GALC: variants seen among roughly 807,000 people sequenced by gnomAD.
GALC encodes the protein galactosylceramidase.
In GALC, 77 loss-of-function variants were observed where a neutral mutation model predicts 91.8. The ratio of observed to expected loss-of-function variants is 0.84; its 90% CI spans 0.70 to 1.01. GALC has a LOEUF of 1.01. Ranked by LOEUF, GALC falls within the 50% of genes least tolerant of loss-of-function variation. The pLI, the probability that GALC is intolerant of heterozygous loss-of-function variation, is 0.00. For synonymous variants in GALC, 357 were observed against 306.7 expected (o/e 1.16, Z -1.71); for missense variants, 882 against 855.9 (o/e 1.03, Z -0.38).
In GALC at chr14:87,933,871, G is replaced by A. The variant is rs1158995030; in HGVS notation, c.*861C>T. ...TCCTTCCACACATAAGGAGAGAAAA[G>A]CATTCATCAGCTGTGTGAGTCTGTT... On this transcript the variant is annotated 3_prime_UTR_variant, in exon 17 of 17. Transcript: ENST00000261304. 3 of 901,946 alleles carry A rather than the reference G, an allele frequency of 3.3e-6. No homozygotes were observed. The highest frequency in any genetic ancestry group is 5.1e-6 in the Non-Finnish European group (3 of 584,184). 55.9% of individuals were successfully genotyped at this position (901,946 alleles called of 1,614,324 possible). A position where few individuals can be genotyped will look rare whatever the true frequency, so the allele number is the denominator to read the frequency against.
chr14:87,973,819 G>A (rs1401082697), intron 7 of GALC, among the ~76,000 whole-genome samples: 5 of 152,084 alleles, frequency 3.3e-5, no homozygotes, highest in East Asian at 1.9e-4. Flanking sequence ...TCCATCCATC[G>A]GATTCCAGTG....
At chr14:87,989,473 A>G (rs1887107659) in intron 1 of GALC, 1 of 152,202 alleles carries the variant, frequency 6.6e-6, no homozygotes, top group Non-Finnish European at 1.5e-5. Flanking sequence ...CTACCTCAAT[A>G]TATCCCAAAC....
In GALC at chr14:87,993,175, A is replaced by C. The variant is rs1389446005; in HGVS notation, c.-11T>G. ...TAGCCACTCAGCCATTGTGTGGGTCACATGACTCCGGCGCCCAGGGAGGCG... is the reference window on the plus strand; with the variant it reads ...TAGCCACTCAGCCATTGTGTGGGTCCCATGACTCCGGCGCCCAGGGAGGCG... On this transcript the variant is annotated 5_prime_UTR_variant, in exon 1 of 17. It removes the in-frame stop codon of an upstream open reading frame in the 5' UTR. Coordinates refer to ENST00000261304, the MANE Select transcript of GALC (RefSeq NM_000153.4). 1.3e-6 allele frequency: 2 copies of C among 1,584,012 alleles called. No homozygotes were observed. Among genetic ancestry groups the C allele is most frequent in the Admixed American group, 3.6e-5 (2 of 56,042 alleles).
intron 10 of GALC, among the ~76,000 whole-genome samples, chr14:87,963,029 A>C (rs1188784854): frequency 6.6e-6 from 1 of 152,142 alleles, no homozygotes; most frequent in African/African-American, 2.4e-5. Flanking sequence ...AGGTCTCCCC[A>C]AAACAACCTG....
chr14:87,992,918 CACGGGGCGGGCTCT>C (rs1169185056), intron 1 of GALC, 38 bp downstream of exon 1: 19 of 1,477,850 alleles, frequency 1.3e-5, no homozygotes, highest in Non-Finnish European at 1.6e-5. Context: ...GGGCTGGCCC[CACGGGGCGGGCTCT>C]TGCCGCCCCC....
chr14:87,963,993 G>GA (rs1885921682), intron 9 of GALC, among the ~76,000 whole-genome samples: 1 of 151,944 alleles, frequency 6.6e-6, no homozygotes, highest in Admixed American at 6.6e-5. Context: ...CCAACCCTTG[G>GA]AAAAATCACA....
chr14:87,954,617 A>G (rs936101709), intron 10 of GALC: 8 of 1,590,292 alleles, frequency 5.0e-6, no homozygotes, highest in African/African-American at 2.7e-5. Flanking sequence ...CTTTTGGAAG[A>G]TATCAGACTT....
intron 10 of GALC, among the ~76,000 whole-genome samples, chr14:87,960,988 CTT>C (rs917319804): frequency 6.6e-6 from 1 of 150,864 alleles, no homozygotes; most frequent in Non-Finnish European, 1.5e-5. Flanking sequence ...CAATTTAAAA[CTT>C]TTTTTAATTC....
intron 7 of GALC, among the ~76,000 whole-genome samples, chr14:87,974,269 C>A (rs1476197620): frequency 6.6e-6 from 1 of 152,032 alleles, no homozygotes; most frequent in Non-Finnish European, 1.5e-5. Context: ...ATATATTAGG[C>A]AAATCCTAAT....
chr14:87,974,957 T>A (rs1468146705), intron 7 of GALC, among the ~76,000 whole-genome samples: 1 of 152,076 alleles, frequency 6.6e-6, no homozygotes, highest in African/African-American at 2.4e-5. Flanking sequence ...CATGCAATAT[T>A]TTTATAAGAA....
At chr14:87,945,461 G>T in intron 14 of GALC, 92 bp downstream of exon 14, 1 of 938,428 alleles carries the variant, frequency 1.1e-6, no homozygotes, top group Non-Finnish European at 1.8e-6. Flanking sequence ...TCTTGAAATA[G>T]GAGGACCATT....
At chr14:87,976,295 G>C in intron 7 of GALC, 63 bp downstream of exon 7, 3 of 1,583,150 alleles carry the variant, frequency 1.9e-6, no homozygotes, top group Non-Finnish European at 2.6e-6. Flanking sequence ...GCAAGAAAAA[G>C]ATAGTCAATA....
At chr14:87,945,333 T>C (rs1387035917) in intron 14 of GALC, among the ~76,000 whole-genome samples, 1 of 152,012 alleles carries the variant, frequency 6.6e-6, no homozygotes, top group Non-Finnish European at 1.5e-5. Flanking sequence ...TAATAATCAC[T>C]ATTAAATAGG....
chr14:87,993,318 A>G, upstream of GALC: 4 of 1,536,554 alleles, frequency 2.6e-6, no homozygotes, highest in Non-Finnish European at 3.5e-6. Flanking sequence ...TGAGAAAAGA[A>G]GCAGCGAGCT....
chr14:87,993,618 G>T, upstream of GALC: 1 of 695,180 alleles, frequency 1.4e-6, no homozygotes, highest in Non-Finnish European at 2.4e-6. Flanking sequence ...GTGAGATGAG[G>T]CGAGAAGAGC....
intron 13 of GALC, among the ~76,000 whole-genome samples, chr14:87,946,557 T>C (rs928129102): frequency 6.6e-6 from 1 of 152,002 alleles, no homozygotes; most frequent in African/African-American, 2.4e-5. Flanking sequence ...TTACATTTTA[T>C]ATTTGAAGGT....
At position 87,986,614 on chromosome 14, in the gene GALC, A is replaced by G. The variant is rs1458493005; in HGVS notation, c.329-12T>C. 1 of 1,557,058 alleles carries G rather than the reference A, an allele frequency of 6.4e-7. No individual in the cohort carries two copies. The highest frequency in any genetic ancestry group is 1.1e-5 in the South Asian group (1 of 89,820). Reference sequence around the variant, plus strand: ...GGGCTCAGTGCCGTCTGAATAGAGGAGAGCAAAAACGGAAGTAATGATCCA... The same window carrying G: ...GGGCTCAGTGCCGTCTGAATAGAGGGGAGCAAAAACGGAAGTAATGATCCA... On this transcript the variant is annotated splice_polypyrimidine_tract_variant and intron_variant, in intron 3 of 16. Coordinates refer to ENST00000261304, the MANE Select transcript of GALC (RefSeq NM_000153.4).
chr14:87,983,279 C>T (rs1464325252), intron 5 of GALC, among the ~76,000 whole-genome samples: 1 of 151,772 alleles, frequency 6.6e-6, no homozygotes, highest in Non-Finnish European at 1.5e-5. Context: ...TTGCAGTGAG[C>T]CAAGATCACA....
chr14:87,987,604 TAGAG>T (rs1314852458), intron 3 of GALC: 6 of 157,486 alleles, frequency 3.8e-5, no homozygotes, highest in African/African-American at 7.2e-5. Context: ...TATCTAATCA[TAGAG>T]AGAATTTCTT....
Sources: gnomAD v4.1 joint callset for allele counts (sites outside exome capture counted in the v4.1 genomes callset) on GRCh38, gnomAD v4.1.1 for gene constraint, MANE v1.5 for transcripts, NCBI Gene and HGNC (gene_info 2026-07-23, HGNC 2026-07-21) for gene names.